CDK6: variants seen among roughly 807,000 people sequenced by gnomAD.
CDK6 encodes cyclin dependent kinase 6.
A neutral mutation model predicts 37.1 loss-of-function variants in CDK6; 6 were observed. That is an observed-to-expected ratio of 0.16 (90% CI 0.09 to 0.32). The LOEUF is 0.32. Among genes scored for constraint, CDK6 ranks in the 10% least tolerant of loss-of-function variants. The pLI is 1.00. For synonymous variants in CDK6, 160 were observed against 161.3 expected (o/e 0.99, Z 0.06); for missense variants, 224 against 418.9 (o/e 0.53, Z 4.06).
chr7:92,701,037 C>G (rs1015840517), intron 4 of CDK6, among the ~76,000 whole-genome samples: 16 of 152,222 alleles, frequency 1.1e-4, no homozygotes, highest in Non-Finnish European at 1.5e-5. Flanking sequence ...TCTCTGCCTA[C>G]CATGCCTTTC....
At chr7:92,660,308 C>T (rs1022434877) in intron 5 of CDK6, among the ~76,000 whole-genome samples, 7 of 152,118 alleles carry the variant, frequency 4.6e-5, no homozygotes, top group South Asian at 2.1e-4. Flanking sequence ...CAGGCCTCTT[C>T]GTTAAAGAAG....
At chr7:92,643,575 T>A (rs557025718) in intron 5 of CDK6, among the ~76,000 whole-genome samples, 2 of 152,346 alleles carry the variant, frequency 1.3e-5, no homozygotes, top group East Asian at 3.9e-4. Flanking sequence ...GGAGGTGACA[T>A]TTAACCTAAA....
Position 92,833,839 on chromosome 7 carries a change from TC to T in CDK6, c.-367-150del. 2.5e-6 allele frequency: 1 copy of T among 399,474 alleles called. No homozygotes were observed. The highest frequency in any genetic ancestry group is 4.4e-6 in the Non-Finnish European group (1 of 226,838). 24.7% of individuals were successfully genotyped at this position (399,474 alleles called of 1,614,324 possible). A position where few individuals can be genotyped will look rare whatever the true frequency, so the allele number is the denominator to read the frequency against. On this transcript the variant is annotated intron_variant, in intron 1 of 7. Transcript: ENST00000424848. This position sits in a 1 kb window ranked among gnomAD's most constrained non-coding sequence, Gnocchi z 6.1. ...TCCTGCCCTCTCCCAAGCCGCTTAATCCTTCCTGGTTCCTCCGAGAAAAGCG... is the reference window on the plus strand; with the variant it reads ...TCCTGCCCTCTCCCAAGCCGCTTAATCTTCCTGGTTCCTCCGAGAAAAGCG...
At chr7:92,701,026 C>T (rs1797829644) in intron 4 of CDK6, among the ~76,000 whole-genome samples, 1 of 152,246 alleles carries the variant, frequency 6.6e-6, no homozygotes, top group East Asian at 1.9e-4. Flanking sequence ...TGAAGCTGCT[C>T]TCTCTGCCTA....
intron 2 of CDK6, among the ~76,000 whole-genome samples, chr7:92,829,065 C>T (rs1801409090): frequency 6.6e-6 from 1 of 152,060 alleles, no homozygotes; most frequent in Admixed American, 6.6e-5. Context: ...TGAACTAATC[C>T]AATTGAAGAC....
At chr7:92,786,380 T>C (rs1800132598) in intron 2 of CDK6, among the ~76,000 whole-genome samples, 1 of 152,196 alleles carries the variant, frequency 6.6e-6, no homozygotes. Flanking sequence ...AAACAATCAC[T>C]GAAGTTAGTT....
rs1012607011 is a variant in CDK6, at chr7:92,834,392, A to G, written c.-367-702T>C. ...TAAAGGAGTCTCGGTTGGAAACGGA[A>G]TTCTCTCTCCGGCTGGGAGGACCTC... On this transcript the variant is annotated intron_variant, in intron 1 of 7. Transcript: ENST00000424848. This position sits in a 1 kb window ranked among gnomAD's most constrained non-coding sequence, Gnocchi z 4.6. Among the ~76,000 whole-genome samples, 3 of 148,774 alleles carry G rather than the reference A, an allele frequency of 2.0e-5. No homozygotes were observed. Among genetic ancestry groups the G allele is most frequent in the African/African-American group, 4.9e-5 (2 of 40,460 alleles).
rs1801585803 is a variant in CDK6, at chr7:92,834,332, A to G, written c.-367-642T>C. ...CAGTTTTTCTACGAGGAGACATTTA[A>G]AAACGACTCGCATACACAAATGGTC... On this transcript the variant is annotated intron_variant, in intron 1 of 7. Transcript: ENST00000424848. This position sits in a 1 kb window ranked among gnomAD's most constrained non-coding sequence, Gnocchi z 4.6. Among the ~76,000 whole-genome samples, 2 of 152,104 alleles carry G rather than the reference A, an allele frequency of 1.3e-5. No homozygotes were observed. The highest frequency in any genetic ancestry group is 2.4e-5 in the African/African-American group (1 of 41,410).
chr7:92,810,568 A>G (rs963354418), intron 2 of CDK6, among the ~76,000 whole-genome samples: 8 of 152,238 alleles, frequency 5.3e-5, no homozygotes, highest in African/African-American at 1.9e-4. Context: ...CATGACGAAA[A>G]GAAGTGATGA....
chr7:92,714,361 G>C (rs922163646), intron 4 of CDK6, among the ~76,000 whole-genome samples: 2 of 152,202 alleles, frequency 1.3e-5, no homozygotes, highest in African/African-American at 4.8e-5. Context: ...GGTCTGGATA[G>C]CAAGATCATA....
intron 2 of CDK6, 76 bp from the exon 3 acceptor site, chr7:92,774,907 C>A (rs1799810796): frequency 1.4e-6 from 2 of 1,399,688 alleles, no homozygotes; most frequent in East Asian, 2.5e-5. Flanking sequence ...ACATATCGCT[C>A]AATTTGGTCT....
intron 2 of CDK6, among the ~76,000 whole-genome samples, chr7:92,789,374 T>C (rs533397657): frequency 6.6e-6 from 1 of 152,260 alleles, no homozygotes; most frequent in South Asian, 2.1e-4. Context: ...CTGGCAAAGG[T>C]AACTAACTAC....
chr7:92,630,279 A>ATTTATTTATTTAT (rs1554396882), intron 5 of CDK6, among the ~76,000 whole-genome samples: 34 of 146,830 alleles, frequency 2.3e-4, no homozygotes, highest in Admixed American at 6.8e-4. Flanking sequence ...GCCAAATTAC[A>ATTTATTTATTTAT]TTATTTATTT....
At chr7:92,720,818 CTTCAGAGTGACT>C (rs1188366757) in intron 4 of CDK6, among the ~76,000 whole-genome samples, 23 of 152,288 alleles carry the variant, frequency 1.5e-4, no homozygotes, top group Admixed American at 3.3e-4. Flanking sequence ...GAAATGTTGA[CTTCAGAGTGACT>C]CTAAATATAG....
At position 92,790,817 on chromosome 7, in the gene CDK6, CAG is replaced by C. The variant is rs1252349988; in HGVS notation, c.234-15988_234-15987del. Among the ~76,000 whole-genome samples the C allele has an allele frequency of 5.3e-5, 8 of 152,200 alleles. No homozygotes were observed. In the South Asian group the frequency reaches 1.5e-3, roughly 28 times the overall value. The stretch of plus-strand genomic sequence containing the variant: ...GTAGAAGAAATGACAATTTAACTGT[CAG>C]AGTATCAAGAGTTACCCAAGCAAGT... On this transcript the variant is annotated intron_variant, in intron 2 of 7. Coordinates refer to ENST00000424848, the MANE Select transcript of CDK6 (RefSeq NM_001145306.2).
chr7:92,720,086 GTCTACATAA>G (rs1399390987), intron 4 of CDK6, among the ~76,000 whole-genome samples: 1 of 152,138 alleles, frequency 6.6e-6, no homozygotes, highest in African/African-American at 2.4e-5. Context: ...TTTTATTGAG[GTCTACATAA>G]AAAAAGAAAA....
At position 92,835,920 on chromosome 7, in the gene CDK6, C is replaced by T. The variant is rs983296826; in HGVS notation, c.-368+558G>A. Among the ~76,000 whole-genome samples the T allele has an allele frequency of 4.6e-5, 7 of 152,350 alleles. No individual in the cohort carries two copies. The highest frequency in any genetic ancestry group is 3.4e-3 in the Middle Eastern group (1 of 294). ...AGCCTGGGCACTGGCCGGCTGCGTG[C>T]ACTTTTCTGTGTATAACACGCCCGC... On this transcript the variant is annotated intron_variant, in intron 1 of 7. Coordinates refer to ENST00000424848, the MANE Select transcript of CDK6 (RefSeq NM_001145306.2). The surrounding 1 kb of genome is among the most constrained non-coding windows in gnomAD (Gnocchi z 4.2).
chr7:92,824,277 T>C (rs1468721914), intron 2 of CDK6, among the ~76,000 whole-genome samples: 1 of 152,014 alleles, frequency 6.6e-6, no homozygotes, highest in Non-Finnish European at 1.5e-5. Flanking sequence ...AGTCACGCCA[T>C]AGGAACAGCC....
intron 4 of CDK6, among the ~76,000 whole-genome samples, chr7:92,719,606 C>T (rs367875983): frequency 6.6e-6 from 1 of 152,144 alleles, no homozygotes; most frequent in Non-Finnish European, 1.5e-5. Context: ...AACATACTCC[C>T]ACTCTTCCAT....
Sources: gnomAD v4.1 joint callset for allele counts (sites outside exome capture counted in the v4.1 genomes callset) on GRCh38, gnomAD v4.1.1 for gene constraint, Gnocchi (gnomAD v3.1) non-coding constraint, MANE v1.5 for transcripts, NCBI Gene and HGNC (gene_info 2026-07-23, HGNC 2026-07-21) for gene names.